MYCBP2: variants seen among roughly 807,000 people sequenced by gnomAD.
MYCBP2 encodes MYC binding protein 2.
MYCBP2 carries 120 observed loss-of-function variants against 525.3 expected under a neutral mutation model. The observed-to-expected ratio is 0.23, with a 90% CI of 0.20 to 0.27. The LOEUF is 0.27. MYCBP2 is among the 10% of genes least tolerant of loss of function. MYCBP2 has a pLI of 1.00. For missense variants in MYCBP2, 4,149 were observed against 5,657.1 expected (o/e 0.73, Z 8.55); for synonymous variants, 1,894 against 1,955.8 (o/e 0.97, Z 0.83).
rs538666759 is a variant in MYCBP2 at position 77,064,112 on chromosome 13, T to C, written c.12672+503A>G. Among the ~76,000 whole-genome samples, 288 of 152,268 alleles carry C rather than the reference T, an allele frequency of 1.9e-3. 2 individuals carry two copies. Among genetic ancestry groups the C allele is most frequent in the African/African-American group, 6.8e-3 (281 of 41,560 alleles). ...AATGTGTCATCTGAAGAATGCAATC[T>C]CATTTCCTCAAAGATTTCCACCCTG... On this transcript the variant is annotated intron_variant, in intron 73 of 82. Coordinates refer to ENST00000544440, the MANE Select transcript of MYCBP2 (RefSeq NM_015057.5).
At chr13:77,205,996 A>T (rs2063288569) in intron 24 of MYCBP2, among the ~76,000 whole-genome samples, 1 of 152,196 alleles carries the variant, frequency 6.6e-6, no homozygotes, top group African/African-American at 2.4e-5. Flanking sequence ...CCAAAATGAA[A>T]TTTGAGAAAA....
intron 55 of MYCBP2, among the ~76,000 whole-genome samples, chr13:77,100,778 A>T (rs1394735193): frequency 6.6e-6 from 1 of 152,048 alleles, no homozygotes; most frequent in Non-Finnish European, 1.5e-5. Context: ...CTCCTTTATC[A>T]TATTATGTGC....
chr13:77,226,732 A>G (rs539695424), intron 18 of MYCBP2, among the ~76,000 whole-genome samples: 1 of 152,306 alleles, frequency 6.6e-6, no homozygotes, highest in Admixed American at 6.5e-5. Context: ...ATCTACCTAC[A>G]TTATTACTTT....
intron 55 of MYCBP2, among the ~76,000 whole-genome samples, chr13:77,103,918 G>A (rs2047459035): frequency 6.6e-6 from 1 of 151,958 alleles, no homozygotes; most frequent in Admixed American, 6.6e-5. Context: ...TTTACACAAC[G>A]TGTCACAACA....
chr13:77,207,130 C>T (rs910148140), intron 23 of MYCBP2, among the ~76,000 whole-genome samples: 5 of 152,054 alleles, frequency 3.3e-5, no homozygotes, highest in African/African-American at 1.2e-4. Flanking sequence ...ACAAATACCC[C>T]ATTAAAAAAG....
intron 71 of MYCBP2, among the ~76,000 whole-genome samples, chr13:77,067,147 A>T (rs930845024): frequency 1.3e-5 from 2 of 152,178 alleles, no homozygotes; most frequent in Non-Finnish European, 2.9e-5. Context: ...AGAAGGTCTT[A>T]TCAAATTGAA....
intron 17 of MYCBP2, among the ~76,000 whole-genome samples, chr13:77,240,797 C>T (rs2068703755): frequency 6.6e-6 from 1 of 152,044 alleles, no homozygotes; most frequent in Non-Finnish European, 1.5e-5. Flanking sequence ...ATTTTAGTGC[C>T]ATGGAAAGCA....
At chr13:77,285,295 T>C (rs2076612409) in intron 3 of MYCBP2, among the ~76,000 whole-genome samples, 1 of 152,212 alleles carries the variant, frequency 6.6e-6, no homozygotes, top group Non-Finnish European at 1.5e-5. Flanking sequence ...TATAATACAG[T>C]GTGACTCACA....
At chr13:77,234,424 C>A (rs2067586191) in intron 17 of MYCBP2, among the ~76,000 whole-genome samples, 1 of 151,816 alleles carries the variant, frequency 6.6e-6, no homozygotes, top group African/African-American at 2.4e-5. Context: ...AATAAAATTT[C>A]ATAAATGTCA....
chr13:77,182,040 C>T, intron 32 of MYCBP2, 118 bp from the exon 33 acceptor site: 1 of 696,324 alleles, frequency 1.4e-6, no homozygotes, highest in Non-Finnish European at 2.4e-6. Flanking sequence ...TTCTGTCACT[C>T]TGTCATTTAA....
intron 27 of MYCBP2, among the ~76,000 whole-genome samples, chr13:77,192,988 G>A (rs1223112961): frequency 6.6e-6 from 1 of 152,058 alleles, no homozygotes; most frequent in Non-Finnish European, 1.5e-5. Context: ...CATTAGCCGG[G>A]CCTGGTGGCA....
At chr13:77,125,248 C>A (rs1289653773) in intron 54 of MYCBP2, 88 bp downstream of exon 54, 1 of 1,473,832 alleles carries the variant, frequency 6.8e-7, no homozygotes, top group Non-Finnish European at 9.1e-7. Flanking sequence ...ACACAAAAAA[C>A]TCTTTAAAAC....
intron 55 of MYCBP2, among the ~76,000 whole-genome samples, chr13:77,112,692 G>T (rs977586038): frequency 6.6e-6 from 1 of 152,006 alleles, no homozygotes; most frequent in African/African-American, 2.4e-5. Context: ...TTCTACCTTG[G>T]CCTTGCCAAA....
rs746168508 is a variant in MYCBP2 at position 77,243,126 on chromosome 13, G to A, written c.2562C>T (p.His854=). ...VPVPGVNIEE[H]LQLRQEEKRQ... is the part of the protein sequence containing the mutation. ...GTTTTTCTTCTTGTCGTAACTGAAG[G>A]TGTTCTTCAATGTTAACCCCGGGCA... Residue 854 remains histidine, a synonymous_variant, in exon 17 of 83, where the codon CAC becomes CAT. Coordinates refer to ENST00000544440, the MANE Select transcript of MYCBP2 (RefSeq NM_015057.5). The A allele has an allele frequency of 6.2e-7, 1 of 1,613,884 alleles. No individual in the cohort carries two copies. Among genetic ancestry groups the A allele is most frequent in the South Asian group, 1.1e-5 (1 of 91,076 alleles).
rs544420752 is a variant in MYCBP2, at chr13:77,225,325, G to A, written c.2857+110C>T. The A allele has an allele frequency of 4.5e-5, 63 of 1,414,480 alleles. 1 individual carries two copies. The African/African-American group carries it at 7.0e-4, about 16-fold the overall frequency. The allele number at this position is 1,414,480 out of a possible 1,614,324, so 87.6% of individuals were successfully genotyped here. On this transcript the variant is annotated intron_variant, in intron 19 of 82. Transcript: ENST00000544440. ...TCTTACAGATTTGAGAGACTGCCAC[G>A]CTACAGCTTTTAACACACAGTTAAC...
Position 77,168,523 on chromosome 13 carries a change from G to C in MYCBP2, c.6019C>G (p.Pro2007Ala), listed in dbSNP as rs2058775742. 1.2e-6 allele frequency: 2 copies of C among 1,614,114 alleles called. No individual in the cohort carries two copies. The highest frequency in any genetic ancestry group is 1.7e-6 in the Non-Finnish European group (2 of 1,180,040). ...GTACAAGCAGAGAGGCCCTGTTCAG[G>C]CTGGTTTCCTGTGGTGCTATCTGTC... ...QSTDSTTGNQ[P>A]EQGLSACTTS... The change falls in exon 40 of 83, where the codon CCT (proline) becomes GCT (alanine). Residue 2007 changes from proline (P) to alanine (A), a missense_variant. By Grantham distance (27) the Pro-to-Ala change is conservative. Coordinates refer to ENST00000544440, the MANE Select transcript of MYCBP2 (RefSeq NM_015057.5).
chr13:77,301,454 C>T (rs771143681), intron 1 of MYCBP2, among the ~76,000 whole-genome samples: 3 of 139,466 alleles, frequency 2.2e-5, no homozygotes, highest in Non-Finnish European at 4.6e-5. Context: ...AAAAAAGAGG[C>T]TGGGTCAAAA....
intron 55 of MYCBP2, among the ~76,000 whole-genome samples, chr13:77,106,972 C>G (rs1401783395): frequency 2.0e-5 from 3 of 152,104 alleles, no homozygotes; most frequent in Non-Finnish European, 4.4e-5. Flanking sequence ...TGACAATGGT[C>G]AAATAGCACT....
chr13:77,094,386 C>T (rs2045918690), intron 58 of MYCBP2, among the ~76,000 whole-genome samples: 1 of 152,152 alleles, frequency 6.6e-6, no homozygotes, highest in Admixed American at 6.6e-5. Flanking sequence ...CAGTAATGCA[C>T]TTTTATCTAG....
Sources: gnomAD v4.1 joint callset for allele counts (sites outside exome capture counted in the v4.1 genomes callset) on GRCh38, gnomAD v4.1.1 for gene constraint, MANE v1.5 for transcripts, NCBI Gene and HGNC (gene_info 2026-07-23, HGNC 2026-07-21) for gene names.